The following COG7 variants were observed in gnomAD, a reference collection of about 807,000 sequenced individuals.
COG7 encodes the protein conserved oligomeric Golgi complex subunit 7.
A neutral mutation model predicts 91.5 loss-of-function variants in COG7; 49 were observed. The observed-to-expected ratio is 0.54, with a 90% CI of 0.43 to 0.68. The LOEUF (loss-of-function observed/expected upper bound fraction) is 0.68. COG7 is among the 30% of genes least tolerant of loss of function. The probability of loss-of-function intolerance (pLI) is 0.00; values close to 1 mark genes in which losing one functional copy is unlikely to be tolerated. For missense variants in COG7, 895 were observed against 961.3 expected, an observed-to-expected ratio of 0.93 and a Z score of 0.91; for synonymous variants, 365 against 388.7, an observed-to-expected ratio of 0.94 and a Z score of 0.72.
intron 16 of COG7, 86 bp downstream of exon 16, chr16:23,392,294 A>G (rs777906381): frequency 1.3e-6 from 2 of 1,594,468 alleles, no homozygotes. Flanking sequence ...AAGACTTGGG[A>G]TGAGATTCCT....
chr16:23,445,998 G>T, intron 1 of COG7, 37 bp from the exon 2 acceptor site: 1 of 1,592,830 alleles, frequency 6.3e-7, no homozygotes, highest in Non-Finnish European at 8.5e-7. Context: ...AACAACAACA[G>T]CGATAGCCAC....
intron 1 of COG7, 139 bp downstream of exon 1, chr16:23,452,687 G>T (rs1964283035): frequency 2.7e-6 from 4 of 1,457,872 alleles, no homozygotes; most frequent in Non-Finnish European, 3.6e-6. Context: ...GTGATCAGGA[G>T]TTCGGGGCTT....
chr16:23,392,470 C>G lies in COG7; in HGVS notation c.2056G>C (p.Ala686Pro). ...NMADNWLGSIARATMQTYCDA... is the reference protein window; with the variant it reads ...NMADNWLGSIPRATMQTYCDA... ...CAGTAGGTCTGCATTGTGGCTCTGG[C>G]GATCGAGCCCAGCCAGTTGTCAGCC... Residue 686 changes from alanine (A) to proline (P), a missense_variant, in exon 16 of 17, where the codon GCC becomes CCC. Coordinates refer to ENST00000307149, the MANE Select transcript of COG7 (RefSeq NM_153603.4). The G allele has an allele frequency of 6.2e-7, 1 of 1,614,128 alleles. No homozygotes were observed. Among genetic ancestry groups the G allele is most frequent in the Non-Finnish European group, 8.5e-7 (1 of 1,180,030 alleles).
At chr16:23,438,212 T>C (rs1964043128) in intron 4 of COG7, among the ~76,000 whole-genome samples, 1 of 151,632 alleles carries the variant, frequency 6.6e-6, no homozygotes, top group East Asian at 1.9e-4. Context: ...ATATCCAGAA[T>C]ATATGAAGAA....
intron 4 of COG7, among the ~76,000 whole-genome samples, chr16:23,435,969 G>A (rs1459449083): frequency 6.6e-6 from 1 of 152,160 alleles, no homozygotes; most frequent in Non-Finnish European, 1.5e-5. Flanking sequence ...AGGTGTGGTG[G>A]CTCACACCTG....
intron 4 of COG7, among the ~76,000 whole-genome samples, chr16:23,435,353 C>G (rs1963997955): frequency 1.3e-5 from 2 of 152,132 alleles, no homozygotes; most frequent in Admixed American, 1.3e-4. Flanking sequence ...GCCAACAGAG[C>G]AAGACTCCCT....
At chr16:23,442,360 A>T in intron 4 of COG7, 117 bp downstream of exon 4, 230 of 807,794 alleles carry the variant, frequency 2.8e-4, no homozygotes, top group Non-Finnish European at 4.3e-4. Context: ...AAAATTACAG[A>T]GTTCCTTCTA....
intron 7 of COG7, among the ~76,000 whole-genome samples, chr16:23,419,620 G>A (rs892102076): frequency 1.4e-5 from 2 of 144,736 alleles, no homozygotes; most frequent in Non-Finnish European, 3.0e-5. Context: ...GTAGTGGCGG[G>A]CACCTGTAAT....
At position 23,390,902 on chromosome 16, in the gene COG7, G is replaced by A. The variant is rs141900233; in HGVS notation, c.2146+1478C>T. 2.1e-3 allele frequency among the ~76,000 whole-genome samples: 322 copies of A among 152,380 alleles called. 4 individuals are homozygous for A. Among genetic ancestry groups the A allele is most frequent in the Middle Eastern group, 6.8e-3 (2 of 294 alleles). ...ATAAAACCGTGAGCTCCACTTGACTGTCAGCCAAGAGCTGCAAAGAGCGGG... is the reference window on the plus strand; with the variant it reads ...ATAAAACCGTGAGCTCCACTTGACTATCAGCCAAGAGCTGCAAAGAGCGGG... On this transcript the variant is annotated intron_variant, in intron 16 of 16. Transcript: ENST00000307149.
chr16:23,421,850 CAAAAAAA>C (rs369425955), intron 7 of COG7, among the ~76,000 whole-genome samples: 1 of 47,638 alleles, frequency 2.1e-5, no homozygotes, highest in Admixed American at 2.2e-4. Context: ...GACTCCATCT[CAAAAAAA>C]AAAAAAAAAA....
chr16:23,439,553 T>A (rs1043760918), intron 4 of COG7, among the ~76,000 whole-genome samples: 1 of 152,202 alleles, frequency 6.6e-6, no homozygotes, highest in African/African-American at 2.4e-5. Context: ...TTTTGACACA[T>A]GCTACACCAT....
chr16:23,417,247 C>A, intron 8 of COG7, 126 bp from the exon 9 acceptor site: 1 of 1,001,332 alleles, frequency 1.0e-6, no homozygotes, highest in Non-Finnish European at 1.5e-6. Context: ...AATATAGTCC[C>A]AACGTTTGAA....
intron 3 of COG7, among the ~76,000 whole-genome samples, chr16:23,443,954 C>A (rs1964142458): frequency 2.0e-5 from 3 of 151,908 alleles, no homozygotes; most frequent in Admixed American, 2.0e-4. Context: ...TAGTTCAAGA[C>A]CAGCCTGGCC....
intron 4 of COG7, among the ~76,000 whole-genome samples, chr16:23,440,510 A>AT (rs5816213): frequency 0.18 from 26,364 of 146,696 alleles, 2,393 homozygotes; most frequent in East Asian, 0.29. Flanking sequence ...AACAAAACCT[A>AT]TTTTTTTTTT....
intron 3 of COG7, among the ~76,000 whole-genome samples, chr16:23,443,552 A>G (rs1964134994): frequency 6.6e-6 from 1 of 151,810 alleles, no homozygotes; most frequent in Non-Finnish European, 1.5e-5. Context: ...TTAGCCAGGC[A>G]TGGTGGCGTC....
intron 3 of COG7, among the ~76,000 whole-genome samples, chr16:23,443,594 G>T (rs1964135826): frequency 6.6e-6 from 1 of 152,116 alleles, no homozygotes; most frequent in African/African-American, 2.4e-5. Flanking sequence ...GGGAGGCTGA[G>T]GCAGGAGAAT....
chr16:23,430,861 A>G (rs763456123), intron 6 of COG7, among the ~76,000 whole-genome samples: 12 of 151,936 alleles, frequency 7.9e-5, no homozygotes, highest in Non-Finnish European at 1.2e-4. Flanking sequence ...TTTTGAAATG[A>G]GTAAAACAAA....
rs1186332675 is a variant in COG7 at position 23,426,501 on chromosome 16, A to G, written c.811-1554T>C. On this transcript the variant is annotated intron_variant, in intron 6 of 16. Transcript: ENST00000307149. The stretch of plus-strand genomic sequence containing the variant: ...TAGGAATTTGAGACCAGGCTCAAAA[A>G]ATAAAAATATTATAAATCTCTAATT... Among the ~76,000 whole-genome samples the G allele has an allele frequency of 3.3e-5, 5 of 152,340 alleles. No homozygotes were observed. In the East Asian group the frequency reaches 7.7e-4, roughly 23 times the overall value.
intron 11 of COG7, among the ~76,000 whole-genome samples, chr16:23,410,043 T>C (rs938082990): frequency 6.6e-6 from 1 of 152,248 alleles, no homozygotes; most frequent in African/African-American, 2.4e-5. Flanking sequence ...GTTTCCTCAT[T>C]TAGGCTGAAA....
Sources: allele counts gnomAD v4.1 joint callset (sites outside exome capture counted in the v4.1 genomes callset), GRCh38; gene constraint gnomAD v4.1.1; transcripts MANE v1.5; gene names NCBI Gene and HGNC (gene_info 2026-07-23, HGNC 2026-07-21).